The following SHLD1 variants were observed in gnomAD, a reference collection of about 807,000 sequenced individuals.
SHLD1 encodes RINN1-REV7-interacting novel NHEJ regulator 3.
A neutral mutation model predicts 5.5 loss-of-function variants in SHLD1; 3 were observed. The ratio of observed to expected loss-of-function variants is 0.54; its 90% CI spans 0.25 to 1.40. The LOEUF is 1.40. Among genes scored for constraint, SHLD1 ranks in the 40% most tolerant of loss-of-function variants. SHLD1 has a pLI of 0.15. For synonymous variants in SHLD1, 92 were observed against 94.3 expected, an observed-to-expected ratio of 0.98 and a Z score of 0.14; for missense variants, 210 against 244.4, an observed-to-expected ratio of 0.86 and a Z score of 0.94.
intron 2 of SHLD1, among the ~76,000 whole-genome samples, chr20:5,791,014 T>A (rs998489784): frequency 7.3e-5 from 11 of 151,424 alleles, no homozygotes; most frequent in African/African-American, 2.7e-4. Context: ...AATAAAAAAA[T>A]TTGCCAGGCA....
chr20:5,863,793 C>A lies in SHLD1; in HGVS notation c.*330C>A. On this transcript the variant is annotated 3_prime_UTR_variant, in exon 3 of 3. Coordinates refer to ENST00000303142, the MANE Select transcript of SHLD1 (RefSeq NM_152504.4). ...TAGCACTCCCTTTCCTCTAGATCGG[C>A]CTGAGGCTGGGACATTACATGAAAT... 1 of 233,962 alleles carries A rather than the reference C, an allele frequency of 4.3e-6. No individual in the cohort carries two copies. Among genetic ancestry groups the A allele is most frequent in the Non-Finnish European group, 8.2e-6 (1 of 121,686 alleles). 14.5% of individuals were successfully genotyped at this position (233,962 alleles called of 1,614,324 possible).
At chr20:5,798,641 G>A (rs1316672348) in intron 2 of SHLD1, among the ~76,000 whole-genome samples, 4 of 138,430 alleles carry the variant, frequency 2.9e-5, no homozygotes, top group East Asian at 2.1e-4. Flanking sequence ...TTTTTGAGAC[G>A]GAGTCTTACT....
chr20:5,814,312 A>G (rs237085), intron 2 of SHLD1, among the ~76,000 whole-genome samples: 96,780 of 151,930 alleles, frequency 0.64, 32,033 homozygotes, highest in Non-Finnish European at 0.74. Context: ...TATCAATCCA[A>G]GAAGCATCTT....
intron 1 of SHLD1, 29 bp downstream of exon 1, chr20:5,750,508 T>TGGGGGGG (rs1600076697): frequency 2.1e-4 from 5 of 23,266 alleles, no homozygotes; most frequent in African/African-American, 6.0e-4. Flanking sequence ...GGGGGGGGGT[T>TGGGGGGG]GGAGTGGTGG....
chr20:5,845,715 A>C (rs2087925314), intron 2 of SHLD1, among the ~76,000 whole-genome samples: 2 of 152,186 alleles, frequency 1.3e-5, no homozygotes, highest in African/African-American at 4.8e-5. Flanking sequence ...CATTATTTAC[A>C]GATTTCACTC....
chr20:5,830,927 TTTTA>T (rs897095746), intron 2 of SHLD1, among the ~76,000 whole-genome samples: 1 of 152,178 alleles, frequency 6.6e-6, no homozygotes, highest in African/African-American at 2.4e-5. Context: ...ACCGCTTAAA[TTTTA>T]TTTATTTATT....
At position 5,811,649 on chromosome 20, in the gene SHLD1, G is replaced by T. The variant is rs145152793; in HGVS notation, c.178+38606G>T. ...GAGGGAGGATTGCTTGAGCCCAGGAGTTCAAGACCAGCCTGGGGAACATAG... is the reference window on the plus strand; with the variant it reads ...GAGGGAGGATTGCTTGAGCCCAGGATTTCAAGACCAGCCTGGGGAACATAG... On this transcript the variant is annotated intron_variant, in intron 2 of 2. Transcript: ENST00000303142. Among the ~76,000 whole-genome samples the T allele has an allele frequency of 8.4e-3, 1,275 of 152,206 alleles. 16 individuals carry two copies. The highest frequency in any genetic ancestry group is 0.014 in the Non-Finnish European group (971 of 68,008).
chr20:5,800,491 C>T (rs1018714011), intron 2 of SHLD1, among the ~76,000 whole-genome samples: 2 of 152,080 alleles, frequency 1.3e-5, no homozygotes, highest in African/African-American at 4.8e-5. Flanking sequence ...GTAAGGAGGT[C>T]GAGACCAGCC....
chr20:5,801,085 T>C (rs1235486771), intron 2 of SHLD1, among the ~76,000 whole-genome samples: 1 of 151,666 alleles, frequency 6.6e-6, no homozygotes, highest in Non-Finnish European at 1.5e-5. Context: ...TTTTTTTTTT[T>C]TTTCTTTTTG....
At chr20:5,798,309 CTTT>C (rs35636384) in intron 2 of SHLD1, among the ~76,000 whole-genome samples, 1 of 146,820 alleles carries the variant, frequency 6.8e-6, no homozygotes, top group Non-Finnish European at 1.5e-5. Flanking sequence ...TCTCAGTTCT[CTTT>C]TTTTTTTTTT....
chr20:5,783,869 C>T (rs753708362), intron 2 of SHLD1, among the ~76,000 whole-genome samples: 1 of 151,822 alleles, frequency 6.6e-6, no homozygotes, highest in African/African-American at 2.4e-5. Flanking sequence ...AACCACTAAG[C>T]GGCCGGGTGC....
At chr20:5,814,654 CTT>C (rs148119460) in intron 2 of SHLD1, among the ~76,000 whole-genome samples, 32 of 103,784 alleles carry the variant, frequency 3.1e-4, no homozygotes, top group Admixed American at 7.5e-4. Flanking sequence ...TTTTCTTCTT[CTT>C]TTTTTTTTTT....
chr20:5,861,962 G>A (rs1568536200), intron 2 of SHLD1, among the ~76,000 whole-genome samples: 1 of 152,202 alleles, frequency 6.6e-6, no homozygotes, highest in Non-Finnish European at 1.5e-5. Context: ...TTCCTGGCTT[G>A]TAGACAGCCG....
chr20:5,852,258 G>A (rs932952190), intron 2 of SHLD1, among the ~76,000 whole-genome samples: 3 of 152,164 alleles, frequency 2.0e-5, no homozygotes, highest in African/African-American at 7.2e-5. Context: ...AGTTTTTGAA[G>A]TCTGGTGTGA....
chr20:5,785,360 A>G (rs974972446), intron 2 of SHLD1, among the ~76,000 whole-genome samples: 2 of 152,214 alleles, frequency 1.3e-5, no homozygotes, highest in Non-Finnish European at 2.9e-5. Context: ...ATGAGGAAAC[A>G]GTTTTAGAGA....
chr20:5,846,867 A>C (rs1485869734), intron 2 of SHLD1, among the ~76,000 whole-genome samples: 5 of 152,214 alleles, frequency 3.3e-5, no homozygotes, highest in Non-Finnish European at 5.9e-5. Flanking sequence ...TTTATTGCAA[A>C]ATGCAAAACC....
At chr20:5,795,561 T>G (rs1395394691) in intron 2 of SHLD1, among the ~76,000 whole-genome samples, 1 of 127,366 alleles carries the variant, frequency 7.9e-6, no homozygotes, top group Non-Finnish European at 1.5e-5. Flanking sequence ...ATCATGCCAC[T>G]GCACTCCAGC....
chr20:5,777,323 T>C (rs77373598), intron 2 of SHLD1, among the ~76,000 whole-genome samples: 2,924 of 152,132 alleles, frequency 0.019, 37 homozygotes, highest in Middle Eastern at 0.13. Context: ...ATCACATACC[T>C]GAGAAGTGGA....
At chr20:5,754,336 C>T (rs1323339464) in intron 1 of SHLD1, among the ~76,000 whole-genome samples, 1 of 152,030 alleles carries the variant, frequency 6.6e-6, no homozygotes, top group Admixed American at 6.6e-5. Flanking sequence ...GTCTTGAACT[C>T]CTGGGCTTAA....
Sources: gnomAD v4.1 joint callset for allele counts (sites outside exome capture counted in the v4.1 genomes callset) on GRCh38, gnomAD v4.1.1 for gene constraint, MANE v1.5 for transcripts, NCBI Gene and HGNC (gene_info 2026-07-23, HGNC 2026-07-21) for gene names.